The following SYT2 variants were observed in gnomAD, a reference collection of about 807,000 sequenced individuals.
The protein encoded by SYT2 is synaptotagmin 2, also known as synaptotagmin-2.
A neutral mutation model predicts 39.9 loss-of-function variants in SYT2; 15 were observed. The ratio of observed to expected loss-of-function variants is 0.38; its 90% CI spans 0.25 to 0.58. The LOEUF is 0.58. Among genes scored for constraint, SYT2 ranks in the 20% least tolerant of loss-of-function variants. The pLI is 0.70. For missense variants in SYT2, 389 were observed against 530.3 expected (o/e 0.73, Z 2.62); for synonymous variants, 181 against 204.5 (o/e 0.89, Z 0.98).
At chr1:202,613,058 T>C (rs1189876050) in intron 1 of SYT2, among the ~76,000 whole-genome samples, 1 of 146,716 alleles carries the variant, frequency 6.8e-6, no homozygotes, top group Non-Finnish European at 1.5e-5. Flanking sequence ...GCCGAACTCA[T>C]TGGTTCTTCC....
chr1:202,691,521 G>C (rs1219565457), intron 1 of SYT2, among the ~76,000 whole-genome samples: 2 of 151,724 alleles, frequency 1.3e-5, no homozygotes, highest in Non-Finnish European at 2.9e-5. Flanking sequence ...GCAGTGGTGT[G>C]CACCTGCAGT....
At position 202,628,425 on chromosome 1, in the gene SYT2, C is replaced by T. The variant is rs1158611036; in HGVS notation, c.-17-22636G>A. On this transcript the variant is annotated intron_variant, in intron 1 of 8. Transcript: ENST00000367268. The surrounding 1 kb of genome is among the most constrained non-coding windows in gnomAD (Gnocchi z 4.2). ...GCCAAAGAAGGTGCAGTCTGGTCCT[C>T]CCGTTTCCAAGAGCGCCTCCATCCT... Among the ~76,000 whole-genome samples the T allele has an allele frequency of 1.3e-5, 2 of 152,118 alleles. No homozygotes were observed. Among genetic ancestry groups the T allele is most frequent in the Non-Finnish European group, 2.9e-5 (2 of 68,006 alleles).
intron 8 of SYT2, among the ~76,000 whole-genome samples, chr1:202,597,825 G>C (rs1413622092): frequency 1.3e-5 from 2 of 152,176 alleles, no homozygotes; most frequent in Non-Finnish European, 2.9e-5. Context: ...GGACAGTGGG[G>C]ATGGGAAGTC....
chr1:202,627,518 G>A, intron 1 of SYT2: 1 of 985,266 alleles, frequency 1.0e-6, no homozygotes, highest in Non-Finnish European at 1.2e-6. Context: ...GGTGTGGACG[G>A]GCAGGCGCAC....
At chr1:202,598,357 C>T (rs1690373850) in intron 8 of SYT2, among the ~76,000 whole-genome samples, 1 of 152,134 alleles carries the variant, frequency 6.6e-6, no homozygotes, top group East Asian at 1.9e-4. Context: ...GGTCAGGATG[C>T]TCTAGATCTA....
intron 1 of SYT2, among the ~76,000 whole-genome samples, chr1:202,666,416 T>G (rs1175813345): frequency 6.6e-6 from 1 of 152,152 alleles, no homozygotes; most frequent in East Asian, 1.9e-4. Context: ...AAACCTAGAA[T>G]GCGGAGGGCC....
At chr1:202,682,530 C>T (rs1653552916) in intron 1 of SYT2, among the ~76,000 whole-genome samples, 1 of 152,088 alleles carries the variant, frequency 6.6e-6, no homozygotes, top group Non-Finnish European at 1.5e-5. Flanking sequence ...TTAATCTGAA[C>T]CTTAAAGGGG....
rs1690431662 is a variant in SYT2 at position 202,599,760 on chromosome 1, C to A, written c.920-409G>T. ...ACTGAGGCCAAAGAACGGAAATGAC[C>A]TGCCCGAGGTCACACAGCGGGTCAG... On this transcript the variant is annotated intron_variant, in intron 7 of 8. Transcript: ENST00000367268. This position sits in a 1 kb window ranked among gnomAD's most constrained non-coding sequence, Gnocchi z 4.4. 6.6e-6 allele frequency among the ~76,000 whole-genome samples: 1 copy of A among 152,196 alleles called. No individual in the cohort carries two copies. Among genetic ancestry groups the A allele is most frequent in the African/African-American group, 2.4e-5 (1 of 41,444 alleles).
chr1:202,632,579 C>T (rs1691624112), intron 1 of SYT2: 16 of 985,304 alleles, frequency 1.6e-5, no homozygotes, highest in Non-Finnish European at 1.9e-5. Context: ...AGACTAAGCC[C>T]AGAGGAGGGT....
chr1:202,632,224 A>G (rs1444805404), intron 1 of SYT2: 1 of 398,494 alleles, frequency 2.5e-6, no homozygotes, highest in African/African-American at 2.2e-5. Context: ...GAAGGGAAAT[A>G]GCCCAGTTCT....
At chr1:202,708,098 T>C (rs1030427109) in intron 1 of SYT2, among the ~76,000 whole-genome samples, 6 of 152,216 alleles carry the variant, frequency 3.9e-5, no homozygotes, top group African/African-American at 1.4e-4. Flanking sequence ...CAGTCCTAAA[T>C]TGAAGCCAGT....
intron 1 of SYT2, among the ~76,000 whole-genome samples, chr1:202,624,620 AGAGT>A (rs780163287): frequency 2.7e-5 from 3 of 112,696 alleles, no homozygotes; most frequent in South Asian, 3.2e-4. Context: ...GTGGTGTCAT[AGAGT>A]GTGTGTATGG....
chr1:202,669,757 CAA>C (rs796796757), intron 1 of SYT2, among the ~76,000 whole-genome samples: 69 of 83,996 alleles, frequency 8.2e-4, no homozygotes, highest in Middle Eastern at 6.3e-3. Context: ...GACCCTGTCT[CAA>C]AAAAAAAAAA....
chr1:202,684,680 C>T (rs1653614979), intron 1 of SYT2, among the ~76,000 whole-genome samples: 1 of 152,142 alleles, frequency 6.6e-6, no homozygotes, highest in South Asian at 2.1e-4. Context: ...TGTCTCTGCT[C>T]CAATGTGCCC....
intron 1 of SYT2, among the ~76,000 whole-genome samples, chr1:202,626,398 C>CCT: frequency 2.8e-5 from 2 of 72,454 alleles, no homozygotes; most frequent in South Asian, 1.4e-3. Flanking sequence ...AGCCTCTCAG[C>CCT]TTTTTTTTTT....
chr1:202,664,342 T>C (rs1238564227), intron 1 of SYT2, among the ~76,000 whole-genome samples: 1 of 152,202 alleles, frequency 6.6e-6, no homozygotes, highest in Admixed American at 6.5e-5. Flanking sequence ...GGCCCCAGTC[T>C]CCATCATTGG....
intron 1 of SYT2, among the ~76,000 whole-genome samples, chr1:202,646,249 C>T (rs1692079055): frequency 1.3e-5 from 2 of 152,238 alleles, no homozygotes; most frequent in Non-Finnish European, 2.9e-5. Flanking sequence ...TGCCCACTCC[C>T]TCACTGTCTC....
At chr1:202,665,678 A>AG (rs1304191441) in intron 1 of SYT2, among the ~76,000 whole-genome samples, 1 of 152,090 alleles carries the variant, frequency 6.6e-6, no homozygotes, top group African/African-American at 2.4e-5. Context: ...ATCTCTTGGG[A>AG]GGGCCTCGGT....
intron 1 of SYT2, chr1:202,632,490 G>A (rs1385056582): frequency 2.2e-6 from 2 of 907,958 alleles, no homozygotes; most frequent in African/African-American, 1.8e-5. Flanking sequence ...AAGAAAGGCT[G>A]CGTAGCCATC....
Sources: gnomAD v4.1 joint callset for allele counts (sites outside exome capture counted in the v4.1 genomes callset) on GRCh38, gnomAD v4.1.1 for gene constraint, Gnocchi (gnomAD v3.1) non-coding constraint, MANE v1.5 for transcripts, NCBI Gene and HGNC (gene_info 2026-07-23, HGNC 2026-07-21) for gene names.